DSCAML1: variants seen among roughly 807,000 people sequenced by gnomAD.
DSCAML1 encodes the protein cell adhesion molecule DSCAML1.
DSCAML1 carries 38 observed loss-of-function variants against 200.5 expected under a neutral mutation model. The observed-to-expected ratio is 0.19, with a 90% CI of 0.15 to 0.25. DSCAML1 has a LOEUF of 0.25. DSCAML1 is among the 10% of genes least tolerant of loss of function. The pLI is 1.00. For missense variants in DSCAML1, 2,223 were observed against 2,858.8 expected, an observed-to-expected ratio of 0.78 and a Z score of 5.07; for synonymous variants, 1,215 against 1,165.0, an observed-to-expected ratio of 1.04 and a Z score of -0.87.
chr11:117,501,315 T>G (rs2049389572), intron 11 of DSCAML1, among the ~76,000 whole-genome samples: 1 of 152,092 alleles, frequency 6.6e-6, no homozygotes, highest in Non-Finnish European at 1.5e-5. Context: ...GAAGGCCAGG[T>G]GCACCAGCAG....
intron 3 of DSCAML1, among the ~76,000 whole-genome samples, chr11:117,628,141 G>A (rs755669925): frequency 1.3e-4 from 20 of 152,228 alleles, no homozygotes; most frequent in Non-Finnish European, 1.3e-4. Context: ...AGAGACCGAG[G>A]TGCTCAAGGT....
At chr11:117,445,332 C>CA (rs1555169266) in intron 20 of DSCAML1, among the ~76,000 whole-genome samples, 1 of 152,008 alleles carries the variant, frequency 6.6e-6, no homozygotes, top group Non-Finnish European at 1.5e-5. Flanking sequence ...CCAGGAGGTC[C>CA]GGGGGGGCAG....
upstream of DSCAML1, chr11:117,797,309 C>CG (rs1741991872): frequency 7.6e-7 from 1 of 1,311,060 alleles, no homozygotes; most frequent in Non-Finnish European, 9.7e-7. Flanking sequence ...CGCGGCACCC[C>CG]GGGTGGTGAG....
chr11:117,460,572 C>T (rs2048459869), intron 18 of DSCAML1, among the ~76,000 whole-genome samples: 1 of 152,104 alleles, frequency 6.6e-6, no homozygotes, highest in Non-Finnish European at 1.5e-5. Context: ...TATGGGATGC[C>T]TGTCCTCTGA....
rs2047712002 is a variant in DSCAML1, at chr11:117,428,543, T to C, written c.5947A>G (p.Thr1983Ala). 6.7e-7 allele frequency: 1 copy of C among 1,491,818 alleles called. No homozygotes were observed. The highest frequency in any genetic ancestry group is 1.2e-5 in the South Asian group (1 of 82,262). 92.4% of individuals were successfully genotyped at this position (1,491,818 alleles called of 1,614,324 possible). Reference sequence around the variant, plus strand: ...GTGGGGCCGGGGGCTGGGGGGGCTGTGCCGGCTGGGGGGGCTGGCATGGCC... The same window carrying C: ...GTGGGGCCGGGGGCTGGGGGGGCTGCGCCGGCTGGGGGGGCTGGCATGGCC... ...TLAMPAPPAG[T>A]APPAPGPTPA... is the part of the protein sequence containing the mutation. Residue 1983 changes from threonine to alanine, a missense_variant, in exon 33 of 33, where the codon ACA becomes GCA. By Grantham distance (58) the Thr-to-Ala change is moderately conservative. Coordinates refer to ENST00000651296, the MANE Select transcript of DSCAML1 (RefSeq NM_020693.4).
intron 3 of DSCAML1, among the ~76,000 whole-genome samples, chr11:117,578,661 T>C (rs561189712): frequency 5.8e-4 from 88 of 152,216 alleles, no homozygotes; most frequent in Non-Finnish European, 1.1e-3. Flanking sequence ...CAGAGCAAGA[T>C]GTGGTCTCAA....
chr11:117,721,427 T>C (rs959708341), intron 3 of DSCAML1, among the ~76,000 whole-genome samples: 3 of 152,120 alleles, frequency 2.0e-5, no homozygotes, highest in Non-Finnish European at 4.4e-5. Flanking sequence ...TTACTCTGGG[T>C]ATTCCAACCA....
chr11:117,718,667 A>C (rs1468476107), intron 3 of DSCAML1, among the ~76,000 whole-genome samples: 23 of 22,280 alleles, frequency 1.0e-3, no homozygotes, highest in South Asian at 2.2e-3. Context: ...GAATACTCAA[A>C]ACCCCCCCCC....
At chr11:117,499,823 G>T (rs1233722130) in intron 11 of DSCAML1, among the ~76,000 whole-genome samples, 1 of 152,192 alleles carries the variant, frequency 6.6e-6, no homozygotes, top group Non-Finnish European at 1.5e-5. Context: ...CCACTTGCCT[G>T]CTCTAATAAG....
chr11:117,746,678 C>T (rs955220465), intron 3 of DSCAML1, among the ~76,000 whole-genome samples: 1 of 152,180 alleles, frequency 6.6e-6, no homozygotes, highest in South Asian at 2.1e-4. Context: ...CAACCTGGGA[C>T]GACAACCTTT....
chr11:117,551,254 T>C (rs192063061), intron 3 of DSCAML1, among the ~76,000 whole-genome samples: 3 of 152,322 alleles, frequency 2.0e-5, no homozygotes, highest in Non-Finnish European at 4.4e-5. Flanking sequence ...AAAGCATTTC[T>C]GGGTAAAATT....
upstream of DSCAML1, among the ~76,000 whole-genome samples, chr11:117,799,960 GC>G (rs2055642262): frequency 6.6e-6 from 1 of 152,198 alleles, no homozygotes; most frequent in Non-Finnish European, 1.5e-5. Flanking sequence ...TGCCTTCCAT[GC>G]TGTGACAAAG....
chr11:117,732,214 T>G (rs916371946), intron 3 of DSCAML1, among the ~76,000 whole-genome samples: 15 of 152,234 alleles, frequency 9.9e-5, no homozygotes, highest in Non-Finnish European at 1.8e-4. Flanking sequence ...CTTTTGCATA[T>G]ATTCCATTCT....
chr11:117,471,242 G>A (rs2048679839), intron 15 of DSCAML1, among the ~76,000 whole-genome samples: 1 of 151,842 alleles, frequency 6.6e-6, no homozygotes, highest in African/African-American at 2.4e-5. Flanking sequence ...TGCGATCTTG[G>A]CTCACAGCAA....
chr11:117,624,530 C>CT (rs952071889), intron 3 of DSCAML1, among the ~76,000 whole-genome samples: 1 of 151,992 alleles, frequency 6.6e-6, no homozygotes, highest in South Asian at 2.1e-4. Flanking sequence ...GTGTTTTGGC[C>CT]TTTTTTTATG....
chr11:117,490,345 A>G (rs2049160180), intron 11 of DSCAML1, among the ~76,000 whole-genome samples: 1 of 152,088 alleles, frequency 6.6e-6, no homozygotes, highest in African/African-American at 2.4e-5. Flanking sequence ...TGAGAGGCTG[A>G]TAGATTTTTA....
At chr11:117,589,797 G>T (rs1209234049) in intron 3 of DSCAML1, among the ~76,000 whole-genome samples, 1 of 152,190 alleles carries the variant, frequency 6.6e-6, no homozygotes, top group East Asian at 1.9e-4. Flanking sequence ...ACACTTTCTT[G>T]CTCCTTTGAG....
chr11:117,714,826 GAA>G lies in DSCAML1; in HGVS notation c.511+61963_511+61964del, dbSNP rs1555201520. 2.4e-4 allele frequency among the ~76,000 whole-genome samples: 28 copies of G among 115,558 alleles called. 3 individuals are homozygous for G. Among genetic ancestry groups the G allele is most frequent in the East Asian group, 2.4e-3 (10 of 4,152 alleles). 75.8% of individuals were successfully genotyped at this position (115,558 alleles called of 152,430 possible). A position where few individuals can be genotyped will look rare whatever the true frequency, so the allele number is the denominator to read the frequency against. On this transcript the variant is annotated intron_variant, in intron 3 of 32. Coordinates refer to ENST00000651296, the MANE Select transcript of DSCAML1 (RefSeq NM_020693.4). ...GACAAGAGTGAAACTTCATCTTGAG[GAA>G]AAAAAAAAAAAAAAAGGAAGGTGCC...
Position 117,503,924 on chromosome 11 carries a change from C to G in DSCAML1, c.2280G>C (p.Glu760Asp). 6.2e-7 allele frequency: 1 copy of G among 1,614,172 alleles called. No homozygotes were observed. Among genetic ancestry groups the G allele is most frequent in the Non-Finnish European group, 8.5e-7 (1 of 1,180,032 alleles). The change falls in exon 11 of 33, where the codon GAG (glutamate) becomes GAC (aspartate). Residue 760 changes from glutamate (E) to aspartate (D), a missense_variant. Coordinates refer to ENST00000651296, the MANE Select transcript of DSCAML1 (RefSeq NM_020693.4). This position sits in a 1 kb window ranked among gnomAD's most constrained non-coding sequence, Gnocchi z 5.2. Reference sequence around the variant, plus strand: ...CCTGGCAGAGGTAGTAGCCGATGTCCTCTTCTAGGACGTGGCGGATCAGCA... The same window carrying G: ...CCTGGCAGAGGTAGTAGCCGATGTCGTCTTCTAGGACGTGGCGGATCAGCA... ...SSLLIRHVLEEDIGYYLCQAS... is the reference protein window; with the variant it reads ...SSLLIRHVLEDDIGYYLCQAS...
Sources: gnomAD v4.1 joint callset for allele counts (sites outside exome capture counted in the v4.1 genomes callset) on GRCh38, gnomAD v4.1.1 for gene constraint, Gnocchi (gnomAD v3.1) non-coding constraint, MANE v1.5 for transcripts, NCBI Gene and HGNC (gene_info 2026-07-23, HGNC 2026-07-21) for gene names.